Variants in WWOX observed in about 807,000 individuals in gnomAD.
The protein encoded by WWOX is WW domain-containing oxidoreductase.
A neutral mutation model predicts 46.2 loss-of-function variants in WWOX; 69 were observed. The observed-to-expected ratio is 1.49, with a 90% CI of 1.23 to 1.82. WWOX has a LOEUF of 1.82. WWOX is among the 40% of genes most tolerant of loss of function. WWOX has a pLI of 0.00. For synonymous variants in WWOX, 359 were observed against 202.6 expected, an observed-to-expected ratio of 1.77 and a Z score of -6.56; for missense variants, 919 against 542.6, an observed-to-expected ratio of 1.69 and a Z score of -6.89.
chr16:79,187,315 C>G (rs2051036332), intron 8 of WWOX, among the ~76,000 whole-genome samples: 1 of 152,130 alleles, frequency 6.6e-6, no homozygotes, highest in Non-Finnish European at 1.5e-5. Flanking sequence ...CGTGGTGCCC[C>G]CAAACATGGA....
At chr16:78,612,107 G>A (rs1034131587) in intron 8 of WWOX, among the ~76,000 whole-genome samples, 2 of 152,212 alleles carry the variant, frequency 1.3e-5, no homozygotes, top group African/African-American at 4.8e-5. Context: ...AGATGGAAAT[G>A]AGGAAACTTG....
intron 6 of WWOX, among the ~76,000 whole-genome samples, chr16:78,407,099 C>G (rs1366488481): frequency 1.3e-5 from 2 of 152,136 alleles, no homozygotes; most frequent in Admixed American, 6.5e-5. Flanking sequence ...GTGTATACTG[C>G]CATCCATGAT....
chr16:78,138,767 G>A (rs997373402), intron 4 of WWOX, among the ~76,000 whole-genome samples: 3 of 152,188 alleles, frequency 2.0e-5, no homozygotes, highest in Non-Finnish European at 4.4e-5. Context: ...CGTGCAGCAC[G>A]CTGCGGGAGA....
At chr16:78,675,803 G>A (rs560100953) in intron 8 of WWOX, among the ~76,000 whole-genome samples, 1 of 152,204 alleles carries the variant, frequency 6.6e-6, no homozygotes, top group East Asian at 1.9e-4. Flanking sequence ...GCGAGACCTT[G>A]TCTGTACTAA....
intron 8 of WWOX, among the ~76,000 whole-genome samples, chr16:78,644,473 C>G (rs1421116986): frequency 1.3e-5 from 2 of 149,492 alleles, no homozygotes; most frequent in East Asian, 3.9e-4. Flanking sequence ...TTTTTTTTTT[C>G]TTTTTGAGAC....
In WWOX at chr16:79,211,852, A is replaced by C. The variant is rs550408106; in HGVS notation, c.*56A>C. 4.7e-5 allele frequency: 75 copies of C among 1,608,240 alleles called. 1 individual carries two copies. Among genetic ancestry groups the C allele is most frequent in the Non-Finnish European group, 5.9e-5 (70 of 1,178,020 alleles). On this transcript the variant is annotated 3_prime_UTR_variant, in exon 9 of 9. Transcript: ENST00000566780. The stretch of plus-strand genomic sequence containing the variant: ...CCGCCCTGTGTGTGTCCCCTCACGC[A>C]AGTGCCAGGGCTGGGCCCCTTCCAA...
At chr16:78,247,943 G>A (rs192214357) in intron 5 of WWOX, among the ~76,000 whole-genome samples, 2 of 152,318 alleles carry the variant, frequency 1.3e-5, no homozygotes, top group Admixed American at 1.3e-4. Context: ...TATCTTGCAA[G>A]GCTTGGGCAT....
chr16:78,698,249 T>A (rs899622785), intron 8 of WWOX, among the ~76,000 whole-genome samples: 1 of 152,166 alleles, frequency 6.6e-6, no homozygotes, highest in African/African-American at 2.4e-5. Context: ...CAGTGAAGAC[T>A]CAGATGAGGT....
intron 6 of WWOX, among the ~76,000 whole-genome samples, chr16:78,391,653 GC>G (rs1233063082): frequency 2.0e-5 from 3 of 152,156 alleles, no homozygotes; most frequent in Non-Finnish European, 4.4e-5. Context: ...TTTGAGAACA[GC>G]CTGGCCAACA....
chr16:78,857,574 G>C (rs942722381), intron 8 of WWOX, among the ~76,000 whole-genome samples: 1 of 152,162 alleles, frequency 6.6e-6, no homozygotes, highest in African/African-American at 2.4e-5. Context: ...TGTCGGTCAA[G>C]AGTCTAGTGA....
chr16:78,849,589 A>AG lies in WWOX; in HGVS notation c.1057-362019_1057-362018insG, dbSNP rs71140831. On this transcript the variant is annotated intron_variant, in intron 8 of 8. Coordinates refer to ENST00000566780, the MANE Select transcript of WWOX (RefSeq NM_016373.4). ...AATCCCTCTCAAAAAAAAAAAAAAA[A>AG]AAAGAAAACAACTACAACCACATTT... Among the ~76,000 whole-genome samples, 542 of 148,176 alleles carry AG rather than the reference A, an allele frequency of 3.7e-3. 3 individuals carry two copies. The highest frequency in any genetic ancestry group is 7.9e-3 in the Admixed American group (119 of 15,008).
At chr16:78,427,542 G>GCA (rs145433869) in intron 7 of WWOX, among the ~76,000 whole-genome samples, 108 of 150,090 alleles carry the variant, frequency 7.2e-4, no homozygotes, top group African/African-American at 1.7e-3. Context: ...ACGCACGCAC[G>GCA]CACACACACA....
intron 8 of WWOX, among the ~76,000 whole-genome samples, chr16:78,970,742 C>T (rs1567448293): frequency 1.3e-5 from 2 of 151,834 alleles, no homozygotes; most frequent in Admixed American, 6.6e-5. Context: ...GTGTGTACCT[C>T]CCCTCCTTCT....
intron 8 of WWOX, among the ~76,000 whole-genome samples, chr16:78,517,465 A>G (rs575620064): frequency 8.1e-4 from 124 of 152,326 alleles, no homozygotes; most frequent in African/African-American, 2.7e-3. Context: ...GACGCTTCGC[A>G]TATGTATTTA....
chr16:78,591,070 G>C (rs925603348), intron 8 of WWOX, among the ~76,000 whole-genome samples: 1 of 152,182 alleles, frequency 6.6e-6, no homozygotes, highest in Non-Finnish European at 1.5e-5. Flanking sequence ...CAGAAGTCAG[G>C]TGGTGAGAGG....
At chr16:78,949,665 C>G in intron 8 of WWOX, among the ~76,000 whole-genome samples, 1 of 152,208 alleles carries the variant, frequency 6.6e-6, no homozygotes, top group East Asian at 1.9e-4. Context: ...TCCATCTGGA[C>G]AAAGCCTTGA....
intron 8 of WWOX, among the ~76,000 whole-genome samples, chr16:78,498,245 A>G (rs995468074): frequency 2.0e-5 from 3 of 151,354 alleles, no homozygotes; most frequent in East Asian, 1.9e-4. Context: ...GGTTGTCACC[A>G]TGAAGCAGGA....
rs925651166 is a variant in WWOX at position 78,579,255 on chromosome 16, C to T, written c.1056+146503C>T. Among the ~76,000 whole-genome samples, 6 of 152,074 alleles carry T rather than the reference C, an allele frequency of 3.9e-5. No homozygotes were observed. In the South Asian group the frequency reaches 6.2e-4, roughly 16 times the overall value. ...TTGCTTTGTTATTACGTCACAGTTT[C>T]GTCAAGGAGATAAGTACTTAAATTG... On this transcript the variant is annotated intron_variant, in intron 8 of 8. Coordinates refer to ENST00000566780, the MANE Select transcript of WWOX (RefSeq NM_016373.4).
chr16:78,618,181 C>T (rs115409188), intron 8 of WWOX, among the ~76,000 whole-genome samples: 2,512 of 152,268 alleles, frequency 0.016, 67 homozygotes, highest in African/African-American at 0.057. Flanking sequence ...ACTTGAGTCC[C>T]GATCTCACTG....
Sources: allele counts gnomAD v4.1 joint callset (sites outside exome capture counted in the v4.1 genomes callset), GRCh38; gene constraint gnomAD v4.1.1; transcripts MANE v1.5; gene names NCBI Gene and HGNC (gene_info 2026-07-23, HGNC 2026-07-21).